The following C1orf198 variants were observed in gnomAD, a reference collection of about 807,000 sequenced individuals.
C1orf198 encodes the protein chromosome 1 open reading frame 198.
In C1orf198, 17 loss-of-function variants were observed where a neutral mutation model predicts 31.4. That is an observed-to-expected ratio of 0.54 (90% CI 0.37 to 0.81). The LOEUF is 0.81. Ranked by LOEUF, C1orf198 falls within the 40% of genes least tolerant of loss-of-function variation. The pLI is 0.00. For missense variants in C1orf198, 401 were observed against 450.3 expected (o/e 0.89, Z 0.99); for synonymous variants, 175 against 193.8 (o/e 0.90, Z 0.81).
Position 230,843,563 on chromosome 1 carries a change from C to T in C1orf198, c.718G>A (p.Ala240Thr), listed in dbSNP as rs1669506856. Reference protein sequence around the residue: ...RQEPAPKDREAKVERPSTLRQ... With the variant: ...RQEPAPKDRETKVERPSTLRQ... ...AGGGTGCTGGGCCTTTCCACCTTGG[C>T]CTCCCTGTCCTTCGGGGCAGGTTCC... Residue 240 changes from alanine (A) to threonine (T), a missense_variant, in exon 3 of 4, where the codon GCC becomes ACC. Transcript: ENST00000366663. This position sits in a 1 kb window ranked among gnomAD's most constrained non-coding sequence, Gnocchi z 4.9. 1 of 1,613,728 alleles carries T rather than the reference C, an allele frequency of 6.2e-7. No homozygotes were observed. The highest frequency in any genetic ancestry group is 8.5e-7 in the Non-Finnish European group (1 of 1,179,746).
In C1orf198 at chr1:230,838,710, C is replaced by G. The variant is rs1291124163; in HGVS notation, c.*1142G>C. 1 of 152,778 alleles carries G rather than the reference C, an allele frequency of 6.5e-6. No individual in the cohort carries two copies. Among genetic ancestry groups the G allele is most frequent in the Non-Finnish European group, 1.5e-5 (1 of 68,174 alleles). The allele number at this position is 152,778 out of a possible 1,614,324, so 9.5% of individuals were successfully genotyped here. A position where few individuals can be genotyped will look rare whatever the true frequency, so the allele number is the denominator to read the frequency against. ...CAGGGGCCACTGGGCAGGACAGCCTCTGAGTGCAGCAGCTTCCCTAGGGGA... is the reference window on the plus strand; with the variant it reads ...CAGGGGCCACTGGGCAGGACAGCCTGTGAGTGCAGCAGCTTCCCTAGGGGA... On this transcript the variant is annotated 3_prime_UTR_variant, in exon 4 of 4. Coordinates refer to ENST00000366663, the MANE Select transcript of C1orf198 (RefSeq NM_032800.3). This position sits in a 1 kb window ranked among gnomAD's most constrained non-coding sequence, Gnocchi z 4.2.
intron 2 of C1orf198, 36 bp downstream of exon 2, chr1:230,855,632 A>G: frequency 1.3e-6 from 2 of 1,599,242 alleles, no homozygotes; most frequent in Non-Finnish European, 1.7e-6. Flanking sequence ...AGTTCTTTTT[A>G]AAAGAACAAA....
At chr1:230,861,711 G>A (rs1300642754) in intron 1 of C1orf198, among the ~76,000 whole-genome samples, 1 of 152,174 alleles carries the variant, frequency 6.6e-6, no homozygotes, top group African/African-American at 2.4e-5. Context: ...AGTGTTTCTG[G>A]TGTGTGGATG....
At position 230,837,662 on chromosome 1, in the gene C1orf198, G is replaced by C. The variant is rs574235389; in HGVS notation, c.*2190C>G. Reference sequence around the variant, plus strand: ...TCAGGCAGGATGAAGACCCACACAGGAGCCTGTGTCCTCCAGGTCGTCCCT... The same window carrying C: ...TCAGGCAGGATGAAGACCCACACAGCAGCCTGTGTCCTCCAGGTCGTCCCT... On this transcript the variant is annotated 3_prime_UTR_variant, in exon 4 of 4. Coordinates refer to ENST00000366663, the MANE Select transcript of C1orf198 (RefSeq NM_032800.3). 13 of 152,332 alleles carry C rather than the reference G, an allele frequency of 8.5e-5. No homozygotes were observed. In the East Asian group the frequency reaches 1.4e-3, roughly 16 times the overall value. 9.4% of individuals were successfully genotyped at this position (152,332 alleles called of 1,614,324 possible). A position where few individuals can be genotyped will look rare whatever the true frequency, so the allele number is the denominator to read the frequency against.
Position 230,843,612 on chromosome 1 carries a change from C to T in C1orf198, c.669G>A (p.Lys223=). The part of the protein sequence containing the change: ...SQIKSMEKGE[K]VLPPCYRQEP... ...CCTGCCGGTAGCAGGGAGGCAAGAC[C>T]TTTTCCCCCTTCTCCATGGACTTGA... The change falls in exon 3 of 4, where the codon AAG becomes AAA. Residue 223 remains lysine, a synonymous_variant. Coordinates refer to ENST00000366663, the MANE Select transcript of C1orf198 (RefSeq NM_032800.3). This position sits in a 1 kb window ranked among gnomAD's most constrained non-coding sequence, Gnocchi z 4.9. 1 of 1,614,236 alleles carries T rather than the reference C, an allele frequency of 6.2e-7. No individual in the cohort carries two copies. Among genetic ancestry groups the T allele is most frequent in the South Asian group, 1.1e-5 (1 of 91,082 alleles).
At chr1:230,847,017 G>A (rs1211733098) in intron 2 of C1orf198, among the ~76,000 whole-genome samples, 1 of 149,128 alleles carries the variant, frequency 6.7e-6, no homozygotes, top group African/African-American at 2.5e-5. Context: ...GCAGGAGAAT[G>A]GCGTGAACCC....
intron 1 of C1orf198, among the ~76,000 whole-genome samples, chr1:230,865,022 A>C (rs887578076): frequency 2.0e-5 from 3 of 152,194 alleles, no homozygotes; most frequent in African/African-American, 7.2e-5. Flanking sequence ...TGGGTGAAAG[A>C]CTGTCAAAAG....
chr1:230,858,179 TA>T (rs1669922468), intron 1 of C1orf198, among the ~76,000 whole-genome samples: 1 of 152,144 alleles, frequency 6.6e-6, no homozygotes, highest in African/African-American at 2.4e-5. Context: ...CCTTCAGCTC[TA>T]GGGGGCTCCT....
In C1orf198 at chr1:230,868,402, G is replaced by A. The variant is rs1670174433; in HGVS notation, c.111C>T (p.Ser37=). The change falls in exon 1 of 4, where the codon AGC becomes AGT. Residue 37 remains serine (S), a synonymous_variant. Transcript: ENST00000366663. Reference sequence around the variant, plus strand: ...CCTGCATGATCTTCCTGGCCATGGGGCTCAGCGACGAGAAGTAAGTGAAGC... The same window carrying A: ...CCTGCATGATCTTCCTGGCCATGGGACTCAGCGACGAGAAGTAAGTGAAGC... The part of the protein sequence containing the change: ...RKRFTYFSSL[S]PMARKIMQDK... 3 of 1,594,818 alleles carry A rather than the reference G, an allele frequency of 1.9e-6. No individual in the cohort carries two copies. Among genetic ancestry groups the A allele is most frequent in the Admixed American group, 1.7e-5 (1 of 58,538 alleles).
chr1:230,839,776 G>A lies in C1orf198; in HGVS notation c.*76C>T, dbSNP rs1253181472. 5 of 1,221,340 alleles carry A rather than the reference G, an allele frequency of 4.1e-6. No homozygotes were observed. In the African/African-American group the frequency reaches 7.7e-5, roughly 19 times the overall value. 75.7% of individuals were successfully genotyped at this position (1,221,340 alleles called of 1,614,324 possible). ...ACCAGTAAAATACATAGGAAAAGGT[G>A]GCCCTTTTTATCCTCCTCCACCACA... On this transcript the variant is annotated 3_prime_UTR_variant, in exon 4 of 4. Transcript: ENST00000366663.
In C1orf198 at chr1:230,837,458, G is replaced by A. The variant is rs1669332050; in HGVS notation, c.*2394C>T. 1 of 152,192 alleles carries A rather than the reference G, an allele frequency of 6.6e-6. No individual in the cohort carries two copies. The highest frequency in any genetic ancestry group is 1.5e-5 in the Non-Finnish European group (1 of 68,036). The allele number at this position is 152,192 out of a possible 1,614,324, so 9.4% of individuals were successfully genotyped here. ...CAGGTGCAGAGACTGGGGGGAGGTG[G>A]AGAATCCAAAATCATGCTCAGGTTT... On this transcript the variant is annotated 3_prime_UTR_variant, in exon 4 of 4. Coordinates refer to ENST00000366663, the MANE Select transcript of C1orf198 (RefSeq NM_032800.3).
upstream of C1orf198, chr1:230,868,534 C>G: frequency 7.9e-7 from 1 of 1,267,554 alleles, no homozygotes; most frequent in South Asian, 2.9e-5. Context: ...CCGCCGCTCC[C>G]GGCCCGCGCC....
In C1orf198 at chr1:230,868,376, T is replaced by C; in HGVS notation, c.137A>G (p.Asp46Gly). Residue 46 changes from aspartate to glycine, a missense_variant, in exon 1 of 4, where the codon GAC becomes GGC. Physicochemically the swap from Asp to Gly is moderately conservative, Grantham distance 94. Coordinates refer to ENST00000366663, the MANE Select transcript of C1orf198 (RefSeq NM_032800.3). ...GTACTTCTCGCGGATCTTCTCCTTG[T>C]CCTGCATGATCTTCCTGGCCATGGG... ...LSPMARKIMQ[D>G]KEKIREKYGP... is the part of the protein sequence containing the mutation. 2 of 1,599,406 alleles carry C rather than the reference T, an allele frequency of 1.3e-6. No homozygotes were observed. The highest frequency in any genetic ancestry group is 1.7e-6 in the Non-Finnish European group (2 of 1,173,640).
In C1orf198 at chr1:230,868,305, T is replaced by A; in HGVS notation, c.208A>T (p.Ile70Phe). 1 of 1,599,020 alleles carries A rather than the reference T, an allele frequency of 6.3e-7. No individual in the cohort carries two copies. The highest frequency in any genetic ancestry group is 8.5e-7 in the Non-Finnish European group (1 of 1,173,634). The change falls in exon 1 of 4, where the codon ATC becomes TTC. Residue 70 changes from isoleucine to phenylalanine, a missense_variant. Coordinates refer to ENST00000366663, the MANE Select transcript of C1orf198 (RefSeq NM_032800.3). ...RLPPAQQDEI[I>F]DRCLVGPRAP... is the part of the protein sequence containing the mutation. The stretch of plus-strand genomic sequence containing the variant: ...CGCGGCCCCACCAGGCACCGGTCGA[T>A]GATCTCGTCCTGCTGCGCGGGCGGC...
chr1:230,846,875 G>A (rs567401178), intron 2 of C1orf198, among the ~76,000 whole-genome samples: 47 of 151,590 alleles, frequency 3.1e-4, no homozygotes, highest in Non-Finnish European at 5.4e-4. Flanking sequence ...AGGCCGAGGC[G>A]GGCGGATCAC....
chr1:230,868,041 T>A, intron 1 of C1orf198, 139 bp downstream of exon 1: 485 of 551,388 alleles, frequency 8.8e-4, no homozygotes, highest in Middle Eastern at 2.1e-3. Context: ...GGGGCTCCCC[T>A]CCCACCCACT....
At chr1:230,854,458 G>A (rs996500510) in intron 2 of C1orf198, among the ~76,000 whole-genome samples, 2 of 152,150 alleles carry the variant, frequency 1.3e-5, no homozygotes, top group African/African-American at 4.8e-5. Context: ...CCAATTGCAG[G>A]CGGCTCCTTA....
In C1orf198 at chr1:230,837,422, G is replaced by C. The variant is rs1669330853; in HGVS notation, c.*2430C>G. ...GTAAAAATGAAGACACTGAATCCTT[G>C]AGCTGAATCCCAGGTGCAGAGACTG... On this transcript the variant is annotated 3_prime_UTR_variant, in exon 4 of 4. Transcript: ENST00000366663. 6.6e-6 allele frequency: 1 copy of C among 152,240 alleles called. No individual in the cohort carries two copies. The highest frequency in any genetic ancestry group is 1.5e-5 in the Non-Finnish European group (1 of 68,054). The allele number at this position is 152,240 out of a possible 1,614,324, so 9.4% of individuals were successfully genotyped here.
intron 1 of C1orf198, among the ~76,000 whole-genome samples, chr1:230,863,938 C>T (rs1670054102): frequency 6.6e-6 from 1 of 152,116 alleles, no homozygotes; most frequent in South Asian, 2.1e-4. Flanking sequence ...AAAGCAACTC[C>T]CTAATTTTCT....
Sources: gnomAD v4.1 joint callset for allele counts (sites outside exome capture counted in the v4.1 genomes callset) on GRCh38, gnomAD v4.1.1 for gene constraint, Gnocchi (gnomAD v3.1) non-coding constraint, MANE v1.5 for transcripts, NCBI Gene and HGNC (gene_info 2026-07-23, HGNC 2026-07-21) for gene names.